KIF21B: variants seen among roughly 807,000 people sequenced by gnomAD.
KIF21B encodes kinesin-like protein KIF21B.
A neutral mutation model predicts 192.9 loss-of-function variants in KIF21B; 85 were observed. That is an observed-to-expected ratio of 0.44 (90% CI 0.37 to 0.53). The LOEUF is 0.53. KIF21B is among the 20% of genes least tolerant of loss of function. The pLI, the probability that KIF21B is intolerant of heterozygous loss-of-function variation, is 0.00. For synonymous variants in KIF21B, 832 were observed against 884.6 expected (o/e 0.94, Z 1.05); for missense variants, 1,716 against 2,194.8 (o/e 0.78, Z 4.36).
intron 1 of KIF21B, among the ~76,000 whole-genome samples, chr1:201,012,709 T>C (rs1461686831): frequency 6.6e-6 from 1 of 152,110 alleles, no homozygotes; most frequent in African/African-American, 2.4e-5. Context: ...AGTGGTGCAA[T>C]CATGGCTCAA....
At position 201,017,983 on chromosome 1, in the gene KIF21B, A is replaced by G. The variant is rs890087593; in HGVS notation, c.41+5360T>C. Among the ~76,000 whole-genome samples the G allele has an allele frequency of 6.6e-6, 1 of 152,058 alleles. No individual in the cohort carries two copies. The highest frequency in any genetic ancestry group is 1.5e-5 in the Non-Finnish European group (1 of 67,982). Reference sequence around the variant, plus strand: ...TGAGGTGGGTGGATCTCTGGGGCCAAGGAAGAGCCGTTCCAGTCCAGCTTC... The same window carrying G: ...TGAGGTGGGTGGATCTCTGGGGCCAGGGAAGAGCCGTTCCAGTCCAGCTTC... On this transcript the variant is annotated intron_variant, in intron 1 of 34. Coordinates refer to ENST00000461742, the MANE Select transcript of KIF21B (RefSeq NM_001252102.2). The surrounding 1 kb of genome is among the most constrained non-coding windows in gnomAD (Gnocchi z 4.1).
At chr1:200,977,679 C>CT (rs150505215) in intron 30 of KIF21B, among the ~76,000 whole-genome samples, 11,287 of 151,718 alleles carry the variant, frequency 0.074, 1,318 homozygotes, top group African/African-American at 0.25. Flanking sequence ...ATCAACCTCT[C>CT]TGAGTCTCGG....
chr1:200,972,251 C>G lies in KIF21B; in HGVS notation c.*1270G>C, dbSNP rs938453132. The G allele has an allele frequency of 2.0e-5, 3 of 152,298 alleles. No homozygotes were observed. The highest frequency in any genetic ancestry group is 2.9e-5 in the Non-Finnish European group (2 of 68,026). The allele number at this position is 152,298 out of a possible 1,614,324, so 9.4% of individuals were successfully genotyped here. On this transcript the variant is annotated 3_prime_UTR_variant, in exon 35 of 35. Coordinates refer to ENST00000461742, the MANE Select transcript of KIF21B (RefSeq NM_001252102.2). Reference sequence around the variant, plus strand: ...ATAATTTTCTGCAAGGGAGGGCCTGCGCTCCATGCCAGTTTTAAGGCCGAA... The same window carrying G: ...ATAATTTTCTGCAAGGGAGGGCCTGGGCTCCATGCCAGTTTTAAGGCCGAA...
intron 29 of KIF21B, 97 bp downstream of exon 29, chr1:200,980,863 C>T: frequency 6.9e-7 from 1 of 1,456,132 alleles, no homozygotes; most frequent in Non-Finnish European, 9.3e-7. Flanking sequence ...CTCCTGGGGG[C>T]TCTATGTTCT....
chr1:200,989,995 G>A lies in KIF21B; in HGVS notation c.3079C>T (p.Leu1027=). The change falls in exon 21 of 35, where the codon CTG becomes TTG. Residue 1027 remains leucine, a synonymous_variant. Transcript: ENST00000461742. ...TCTAGCAGGAGGCGGGCTTCAGCCA[G>A]GGAGCAGGAGCTGATGACCACGGAT... ...DTSVVISSCS[L]AEARLLLDNF... The A allele has an allele frequency of 1.9e-6, 3 of 1,614,062 alleles. No homozygotes were observed. The highest frequency in any genetic ancestry group is 2.5e-6 in the Non-Finnish European group (3 of 1,180,032).
intron 17 of KIF21B, 23 bp downstream of exon 17, chr1:200,991,634 G>T (rs761735282): frequency 1.9e-6 from 3 of 1,611,674 alleles, no homozygotes; most frequent in Non-Finnish European, 2.5e-6. Context: ...CCAGGGCCTC[G>T]CCAGCCCCTC....
rs1409616297 is a variant in KIF21B at position 200,972,034 on chromosome 1, A to G, written c.*1487T>C. The G allele has an allele frequency of 2.6e-5, 4 of 151,740 alleles. No individual in the cohort carries two copies. The highest frequency in any genetic ancestry group is 5.9e-5 in the Non-Finnish European group (4 of 67,906). 9.4% of individuals were successfully genotyped at this position (151,740 alleles called of 1,614,324 possible). A position where few individuals can be genotyped will look rare whatever the true frequency, so the allele number is the denominator to read the frequency against. On this transcript the variant is annotated 3_prime_UTR_variant, in exon 35 of 35. Transcript: ENST00000461742. ...AGCACAAGACCAGCGATGCAACGGA[A>G]AAACAGGGTGGGCAACTTTGGGTGG...
At chr1:201,008,997 G>A in intron 2 of KIF21B, 46 bp from the exon 3 acceptor site, 1 of 1,555,110 alleles carries the variant, frequency 6.4e-7, no homozygotes, top group South Asian at 1.2e-5. Flanking sequence ...CCCTTTGGGG[G>A]CACCAGCAAG....
rs769715994 is a variant in KIF21B, at chr1:201,009,245, G to A, written c.264+21C>T. ...GAGACCAAGGCTGGAGCCGCCATAG[G>A]TGGGCGTGAAGATGGCTTACCTGCC... is the stretch of plus-strand genomic sequence containing the variant. On this transcript the variant is annotated intron_variant, in intron 2 of 34. Transcript: ENST00000461742. 3.7e-6 allele frequency: 6 copies of A among 1,606,752 alleles called. No homozygotes were observed. In the South Asian group the frequency reaches 5.5e-5, roughly 15 times the overall value.
intron 1 of KIF21B, among the ~76,000 whole-genome samples, chr1:201,013,794 T>G (rs1412656271): frequency 6.6e-6 from 1 of 152,224 alleles, no homozygotes; most frequent in East Asian, 1.9e-4. Flanking sequence ...TACAACTTAG[T>G]GCAATATTTT....
intron 1 of KIF21B, among the ~76,000 whole-genome samples, chr1:201,011,746 T>C (rs1007663680): frequency 6.6e-6 from 1 of 152,210 alleles, no homozygotes; most frequent in Non-Finnish European, 1.5e-5. Context: ...CTGAGGACCC[T>C]CCAGCTCTGC....
chr1:200,995,154 C>G (rs10920085), intron 15 of KIF21B, among the ~76,000 whole-genome samples: 89,257 of 152,220 alleles, frequency 0.59, 28,014 homozygotes, highest in African/African-American at 0.82. Flanking sequence ...CATCAGCCAC[C>G]ACTGCATTGC....
intron 24 of KIF21B, 46 bp downstream of exon 24, chr1:200,988,250 A>T (rs1324571053): frequency 1.3e-6 from 2 of 1,551,826 alleles, no homozygotes; most frequent in Non-Finnish European, 1.8e-6. Flanking sequence ...GGCTGTGTGG[A>T]GGCTGGCCCT....
At chr1:200,980,408 T>C (rs1369210543) in intron 29 of KIF21B, among the ~76,000 whole-genome samples, 1 of 152,178 alleles carries the variant, frequency 6.6e-6, no homozygotes, top group Non-Finnish European at 1.5e-5. Context: ...GCACATGTCA[T>C]TGTGACTAAT....
At position 200,979,542 on chromosome 1, in the gene KIF21B, T is replaced by G; in HGVS notation, c.4153A>C (p.Thr1385Pro). Residue 1385 changes from threonine to proline, a missense_variant, in exon 30 of 35, where the codon ACT becomes CCT. Around this residue, in one of 3 missense-constraint regions of KIF21B, gnomAD observed 580 missense variants for 775.5 expected, o/e 0.75. Coordinates refer to ENST00000461742, the MANE Select transcript of KIF21B (RefSeq NM_001252102.2). ...CAGGCGGGGGTTACTCACGTGAGAG[T>G]CCGAATGCACTTGGCTGAGTCCCGG... Reference protein sequence around the residue: ...DIRDSAKCIRTLTSSGQVISG... With the variant: ...DIRDSAKCIRPLTSSGQVISG... 6.5e-7 allele frequency: 1 copy of G among 1,543,042 alleles called. No homozygotes were observed. The highest frequency in any genetic ancestry group is 8.7e-7 in the Non-Finnish European group (1 of 1,143,944).
intron 26 of KIF21B, among the ~76,000 whole-genome samples, chr1:200,985,303 C>T (rs1041584808): frequency 1.3e-5 from 2 of 152,004 alleles, no homozygotes; most frequent in East Asian, 1.9e-4. Context: ...GCCTGGGCAA[C>T]GTGGTGAGGC....
intron 3 of KIF21B, among the ~76,000 whole-genome samples, chr1:201,006,889 T>C (rs1283829249): frequency 3.1e-3 from 190 of 61,440 alleles, no homozygotes; most frequent in East Asian, 4.9e-3. Flanking sequence ...CAGAGACACA[T>C]AGACACACAC....
rs1332050334 is a variant in KIF21B at position 200,990,958 on chromosome 1, C to T, written c.2646G>A (p.Gly882=). The T allele has an allele frequency of 1.2e-6, 2 of 1,614,032 alleles. No individual in the cohort carries two copies. The highest frequency in any genetic ancestry group is 1.7e-6 in the Non-Finnish European group (2 of 1,180,048). ...CATTGACAGTGGGCGCAGGATGGTC[C>T]CCCAAGAAGTGGTTGATTTTGCGGT... is the stretch of plus-strand genomic sequence containing the variant. The part of the protein sequence containing the change: ...QWNRKINHFL[G]DHPAPTVNGT... Residue 882 remains glycine (G), a synonymous_variant, in exon 18 of 35, where the codon GGG becomes GGA. Transcript: ENST00000461742. This position sits in a 1 kb window ranked among gnomAD's most constrained non-coding sequence, Gnocchi z 5.4.
In KIF21B at chr1:200,999,443, A is replaced by G; in HGVS notation, c.1791T>C (p.Ser597=). 6.2e-7 allele frequency: 1 copy of G among 1,612,752 alleles called. No individual in the cohort carries two copies. Among genetic ancestry groups the G allele is most frequent in the South Asian group, 1.1e-5 (1 of 90,986 alleles). The change falls in exon 13 of 35, where the codon AGT becomes AGC. Residue 597 remains serine (S), a synonymous_variant. Transcript: ENST00000461742. The surrounding 1 kb of genome is among the most constrained non-coding windows in gnomAD (Gnocchi z 4.7). Reference sequence around the variant, plus strand: ...CGCGCCCTTCCTCCTCCTCACAGCCACTCTCGTCTCGCTCTTCCTCCTCCT... The same window carrying G: ...CGCGCCCTTCCTCCTCCTCACAGCCGCTCTCGTCTCGCTCTTCCTCCTCCT... ...AEEEEEERDE[S]GCEEEEGRED...
Sources: allele counts gnomAD v4.1 joint callset (sites outside exome capture counted in the v4.1 genomes callset), GRCh38; gene constraint gnomAD v4.1.1; regional missense constraint gnomAD v4.1.1; non-coding constraint Gnocchi (gnomAD v3.1); transcripts MANE v1.5; gene names NCBI Gene and HGNC (gene_info 2026-07-23, HGNC 2026-07-21).